Variants in NBAS observed in about 807,000 individuals in gnomAD.
NBAS encodes the protein NBAS subunit of NRZ tethering complex.
Under a neutral mutation model 302.5 loss-of-function variants are expected in NBAS, and 219 were observed. The ratio of observed to expected loss-of-function variants is 0.72; its 90% CI spans 0.65 to 0.81. The LOEUF (loss-of-function observed/expected upper bound fraction) is 0.81, where lower values mean the gene tolerates loss of function less well. Ranked by LOEUF, NBAS falls within the 30% of genes least tolerant of loss-of-function variation. The pLI, the probability that NBAS is intolerant of heterozygous loss-of-function variation, is 0.00. For missense variants in NBAS, 2,932 were observed against 2,841.6 expected (o/e 1.03, Z -0.72); for synonymous variants, 1,118 against 1,021.6 (o/e 1.09, Z -1.80).
At position 15,546,209 on chromosome 2, in the gene NBAS, C is replaced by G. The variant is rs182447487; in HGVS notation, c.379+5284G>C. Among the ~76,000 whole-genome samples the G allele has an allele frequency of 1.6e-3, 239 of 152,084 alleles. 1 individual carries two copies. The highest frequency in any genetic ancestry group is 2.6e-3 in the Non-Finnish European group (175 of 67,990). On this transcript the variant is annotated intron_variant, in intron 6 of 51. Coordinates refer to ENST00000281513, the MANE Select transcript of NBAS (RefSeq NM_015909.4). ...TACAGTAACAGGTACAGGAAAATGT[C>G]TGAAACAATAAATAAAATGTTGATA...
intron 47 of NBAS, among the ~76,000 whole-genome samples, chr2:15,229,053 C>A (rs1455253328): frequency 6.6e-6 from 1 of 152,042 alleles, no homozygotes; most frequent in Non-Finnish European, 1.5e-5. Flanking sequence ...TTCATTGAAA[C>A]ATTACAGGTT....
At chr2:14,922,036 C>T in the NBAS span, among the ~76,000 whole-genome samples, 7 of 152,140 alleles carry the variant, frequency 4.6e-5, no homozygotes, top group African/African-American at 1.7e-4. Context: ...AAATTGAAAG[C>T]TCCTATAATA....
intron 44 of NBAS, among the ~76,000 whole-genome samples, chr2:15,261,464 C>T (rs534038471): frequency 3.9e-5 from 6 of 152,316 alleles, no homozygotes; most frequent in African/African-American, 1.2e-4. Flanking sequence ...ATACACTTAA[C>T]ATCACCATAA....
chr2:14,830,512 C>A, the NBAS span, among the ~76,000 whole-genome samples: 3 of 152,000 alleles, frequency 2.0e-5, no homozygotes, highest in African/African-American at 7.2e-5. Context: ...TTGCACAAAC[C>A]GAATAAATAT....
the NBAS span, among the ~76,000 whole-genome samples, chr2:15,060,341 T>A: frequency 6.6e-6 from 1 of 152,132 alleles, no homozygotes; most frequent in Admixed American, 6.5e-5. Context: ...CCACCACCTG[T>A]GCATAAGTGA....
the NBAS span, among the ~76,000 whole-genome samples, chr2:15,082,690 G>C: frequency 6.6e-6 from 1 of 152,182 alleles, no homozygotes; most frequent in Admixed American, 6.5e-5. Flanking sequence ...CAGCACCCTG[G>C]ACCCAACAGC....
the NBAS span, among the ~76,000 whole-genome samples, chr2:14,804,032 A>AAT: frequency 6.6e-6 from 1 of 152,186 alleles, no homozygotes; most frequent in Non-Finnish European, 1.5e-5. Flanking sequence ...ACAAATTTTA[A>AAT]ATATATATAA....
intron 12 of NBAS, among the ~76,000 whole-genome samples, chr2:15,487,260 C>T (rs1447457665): frequency 6.6e-6 from 1 of 152,132 alleles, no homozygotes; most frequent in African/African-American, 2.4e-5. Context: ...CCATGAAAAA[C>T]ACGAAGTATC....
At chr2:15,304,385 A>C (rs1670938650) in intron 40 of NBAS, among the ~76,000 whole-genome samples, 1 of 152,186 alleles carries the variant, frequency 6.6e-6, no homozygotes, top group South Asian at 2.1e-4. Flanking sequence ...AACTCTTTCA[A>C]GTCTCAGGTA....
At chr2:15,216,807 A>G (rs765285767) in intron 48 of NBAS, among the ~76,000 whole-genome samples, 14 of 152,196 alleles carry the variant, frequency 9.2e-5, no homozygotes, top group Non-Finnish European at 1.3e-4. Flanking sequence ...TCTTATCTTT[A>G]GAATATTAGG....
At chr2:15,467,925 G>GA (rs1327873311) in intron 17 of NBAS, 121 bp from the exon 18 acceptor site, 5 of 949,204 alleles carry the variant, frequency 5.3e-6, no homozygotes, top group East Asian at 2.7e-5. Flanking sequence ...GAAAGTATTT[G>GA]AAAAAAACTT....
At chr2:14,868,210 T>G in the NBAS span, among the ~76,000 whole-genome samples, 1 of 152,222 alleles carries the variant, frequency 6.6e-6, no homozygotes, top group African/African-American at 2.4e-5. Flanking sequence ...GGTCTGGTTC[T>G]CAAGTTTTTG....
Position 15,467,709 on chromosome 2 carries a change from T to A in NBAS, c.1973A>T (p.Glu658Val), listed in dbSNP as rs758121192. 1 of 1,612,418 alleles carries A rather than the reference T, an allele frequency of 6.2e-7. No homozygotes were observed. The highest frequency in any genetic ancestry group is 1.1e-5 in the South Asian group (1 of 90,988). ...EEPAKNKKEK[E>V]LKKRQELLKL... The stretch of plus-strand genomic sequence containing the variant: ...CAGTAGTTCTTGTCTCTTCTTGAGC[T>A]CCTTTTCCTTTTTATTCTTGGCAGG... Residue 658 changes from glutamate (E) to valine (V), a missense_variant, in exon 18 of 52, where the codon GAG becomes GTG. By Grantham distance (121) the Glu-to-Val change is moderately radical. Coordinates refer to ENST00000281513, the MANE Select transcript of NBAS (RefSeq NM_015909.4).
chr2:14,971,340 C>A, the NBAS span, among the ~76,000 whole-genome samples: 1 of 151,984 alleles, frequency 6.6e-6, no homozygotes, highest in Non-Finnish European at 1.5e-5. Context: ...CATGGTGAAA[C>A]CCCGTCTCTA....
chr2:14,904,610 T>TATA, the NBAS span, among the ~76,000 whole-genome samples: 3 of 94,854 alleles, frequency 3.2e-5, no homozygotes, highest in African/African-American at 3.6e-5. Context: ...CAGTCAGCTG[T>TATA]GACTCAGTAT....
At chr2:14,974,141 G>A in the NBAS span, among the ~76,000 whole-genome samples, 1 of 152,178 alleles carries the variant, frequency 6.6e-6, no homozygotes, top group Non-Finnish European at 1.5e-5. Context: ...TTACATAATA[G>A]TTATTTATGC....
chr2:14,782,419 C>T, the NBAS span, among the ~76,000 whole-genome samples: 1 of 152,158 alleles, frequency 6.6e-6, no homozygotes, highest in Non-Finnish European at 1.5e-5. Flanking sequence ...TACCATCTCA[C>T]ACCAGTCAGA....
the NBAS span, among the ~76,000 whole-genome samples, chr2:14,814,556 T>G: frequency 6.6e-6 from 1 of 152,198 alleles, no homozygotes; most frequent in East Asian, 1.9e-4. Flanking sequence ...AATTTCTCCA[T>G]TTTAGAACAG....
chr2:15,341,406 A>AAATG (rs1350903058), intron 35 of NBAS, among the ~76,000 whole-genome samples: 2 of 148,022 alleles, frequency 1.4e-5, no homozygotes, highest in Non-Finnish European at 3.0e-5. Context: ...ATAAATGAAT[A>AAATG]AATAAATAAA....
Sources: allele counts gnomAD v4.1 joint callset (sites outside exome capture counted in the v4.1 genomes callset), GRCh38; gene constraint gnomAD v4.1.1; transcripts MANE v1.5; gene names NCBI Gene and HGNC (gene_info 2026-07-23, HGNC 2026-07-21).